Variants in TEFM observed in about 807,000 individuals in gnomAD.
The protein encoded by TEFM is transcription elongation factor, mitochondrial, also known as transcription elongation factor of mitochondria.
A neutral mutation model predicts 23.0 loss-of-function variants in TEFM; 14 were observed. The ratio of observed to expected loss-of-function variants is 0.61; its 90% CI spans 0.40 to 0.95. The LOEUF is 0.95. Among genes scored for constraint, TEFM ranks in the 40% least tolerant of loss-of-function variants. The pLI is 0.00. For synonymous variants in TEFM, 155 were observed against 158.3 expected, an observed-to-expected ratio of 0.98 and a Z score of 0.16; for missense variants, 386 against 425.5, an observed-to-expected ratio of 0.91 and a Z score of 0.82.
chr17:30,904,566 C>T, intron 1 of TEFM, 37 bp from the exon 2 acceptor site: 1 of 1,507,140 alleles, frequency 6.6e-7, no homozygotes, highest in Non-Finnish European at 9.0e-7. Context: ...AGTTGGATGT[C>T]CTACTTCCTT....
rs1172480872 is a variant in TEFM at position 30,899,281 on chromosome 17, TG to T, written c.970del (p.His324ThrfsTer14). 6.2e-7 allele frequency: 1 copy of T among 1,614,226 alleles called. No individual in the cohort carries two copies. On this transcript the variant is annotated frameshift_variant, in exon 4 of 4. Transcript: ENST00000581216. LOFTEE classifies it low-confidence loss of function (END_TRUNC). ...RVFFPSDKIV[H>X]YRQMFLSTEL... ...AGTAGATAAAAACATCTGTCTGTAG[TG>T]AACTATTTTATCTGATGGGAAGAAC...
chr17:30,902,045 A>G (rs1282894582), intron 2 of TEFM, among the ~76,000 whole-genome samples: 1 of 152,154 alleles, frequency 6.6e-6, no homozygotes, highest in Non-Finnish European at 1.5e-5. Context: ...TTAATGCATT[A>G]AGTTTGGGTT....
intron 2 of TEFM, among the ~76,000 whole-genome samples, chr17:30,902,084 T>C (rs1355400011): frequency 6.6e-6 from 1 of 152,194 alleles, no homozygotes; most frequent in South Asian, 2.1e-4. Context: ...AGGAGATATA[T>C]AATAAGTAAT....
chr17:30,900,493 A>G lies in TEFM; in HGVS notation c.565T>C (p.Leu189=), dbSNP rs1455872351. 1.2e-6 allele frequency: 2 copies of G among 1,614,026 alleles called. No homozygotes were observed. The highest frequency in any genetic ancestry group is 1.7e-6 in the Non-Finnish European group (2 of 1,179,966). The change falls in exon 3 of 4, where the codon TTG becomes CTG. Residue 189 remains leucine, a synonymous_variant. Transcript: ENST00000581216. ...CTTTGCTGCCAGTCCAGCACTGTCA[A>G]CTTACGATCAAGGTGAGCCCAGGCA... ...RIAWAHLDRK[L]TVLDWQQSDR...
chr17:30,902,906 C>G (rs1910072207), intron 2 of TEFM, among the ~76,000 whole-genome samples: 1 of 151,710 alleles, frequency 6.6e-6, no homozygotes, highest in Middle Eastern at 3.4e-3. Context: ...ACTTCGGGAG[C>G]CCGAGGCAGG....
Position 30,899,474 on chromosome 17 carries a change from A to C in TEFM, c.778T>G (p.Leu260Val). 10 of 1,614,206 alleles carry C rather than the reference A, an allele frequency of 6.2e-6. No homozygotes were observed. Among genetic ancestry groups the C allele is most frequent in the Non-Finnish European group, 8.5e-6 (10 of 1,180,030 alleles). Residue 260 changes from leucine to valine, a missense_variant, in exon 4 of 4, where the codon TTA becomes GTA. Leu to Val is a conservative substitution (Grantham distance 32). Coordinates refer to ENST00000581216, the MANE Select transcript of TEFM (RefSeq NM_024683.4). ...TCCTGGGCAAAAGTTTTATTTAATA[A>C]GGCATACAGCATGGCTTCCATGATA... ...FHIMEAMLYALLNKTFAQDGQ... is the reference protein window; with the variant it reads ...FHIMEAMLYAVLNKTFAQDGQ...
At position 30,898,989 on chromosome 17, in the gene TEFM, CATAAAAT is replaced by C; in HGVS notation, c.*173_*179del. The stretch of plus-strand genomic sequence containing the variant: ...CATTAACCTGAGAGGCACAGAATCT[CATAAAAT>C]GTTTATTGATTTGGTCTTGGCTTAT... On this transcript the variant is annotated 3_prime_UTR_variant, in exon 4 of 4. Transcript: ENST00000581216. 1 of 579,746 alleles carries C rather than the reference CATAAAAT, an allele frequency of 1.7e-6. No individual in the cohort carries two copies. The highest frequency in any genetic ancestry group is 4.8e-4 in the Middle Eastern group (1 of 2,064). 35.9% of individuals were successfully genotyped at this position (579,746 alleles called of 1,614,324 possible). A position where few individuals can be genotyped will look rare whatever the true frequency, so the allele number is the denominator to read the frequency against.
In TEFM at chr17:30,899,121, G is replaced by A. The variant is rs1909980709; in HGVS notation, c.*48C>T. On this transcript the variant is annotated 3_prime_UTR_variant, in exon 4 of 4. Transcript: ENST00000581216. ...AACATGGATGTTCACAACAGTTGGT[G>A]TTACGTTAGAGCTAATAATTATACT... 1.4e-6 allele frequency: 2 copies of A among 1,425,118 alleles called. No homozygotes were observed. Among genetic ancestry groups the A allele is most frequent in the Admixed American group, 2.2e-5 (1 of 45,686 alleles). The allele number at this position is 1,425,118 out of a possible 1,614,324, so 88.3% of individuals were successfully genotyped here.
rs549821910 is a variant in TEFM, at chr17:30,899,631, G to T, written c.646-25C>A. 16 of 1,459,386 alleles carry T rather than the reference G, an allele frequency of 1.1e-5. No homozygotes were observed. In the Admixed American group the frequency reaches 2.1e-4, roughly 19 times the overall value. 90.4% of individuals were successfully genotyped at this position (1,459,386 alleles called of 1,614,324 possible). A position where few individuals can be genotyped will look rare whatever the true frequency, so the allele number is the denominator to read the frequency against. On this transcript the variant is annotated intron_variant, in intron 3 of 3. Transcript: ENST00000581216. Reference sequence around the variant, plus strand: ...TCTTTTTAAAAAAAGACAAAATAAAGGAACAGAAATAATTCATTACATTTT... The same window carrying T: ...TCTTTTTAAAAAAAGACAAAATAAATGAACAGAAATAATTCATTACATTTT...
intron 2 of TEFM, among the ~76,000 whole-genome samples, chr17:30,903,226 G>GTTTT (rs1910085127): frequency 7.1e-6 from 1 of 140,864 alleles, no homozygotes. Flanking sequence ...CTTTTAGAAT[G>GTTTT]GTGTTTTTTT....
Position 30,904,009 on chromosome 17 carries a change from T to A in TEFM, c.495+57A>T, listed in dbSNP as rs143219750. The A allele has an allele frequency of 4.5e-5, 67 of 1,483,524 alleles. No homozygotes were observed. In the African/African-American group the frequency reaches 7.1e-4, roughly 16 times the overall value. 91.9% of individuals were successfully genotyped at this position (1,483,524 alleles called of 1,614,324 possible). On this transcript the variant is annotated intron_variant, in intron 2 of 3. Transcript: ENST00000581216. ...CTTCCCAACCCAATGCCCAGAAGAG[T>A]GCTTTCTAGAGTAGGTTCTCAAATA... is the stretch of plus-strand genomic sequence containing the variant.
At chr17:30,904,577 T>TG (rs1394228264) in intron 1 of TEFM, 48 bp from the exon 2 acceptor site, 14 of 1,415,784 alleles carry the variant, frequency 9.9e-6, no homozygotes, top group Non-Finnish European at 1.3e-5. Context: ...CTACTTCCTT[T>TG]GGGGTTAGTT....
chr17:30,905,310 C>T (rs1278635716), intron 1 of TEFM, among the ~76,000 whole-genome samples: 6 of 152,022 alleles, frequency 3.9e-5, no homozygotes, highest in Admixed American at 3.9e-4. Flanking sequence ...CACCTGAGGT[C>T]GGGAGTTCGA....
intron 2 of TEFM, among the ~76,000 whole-genome samples, chr17:30,901,869 G>T (rs1910053919): frequency 6.6e-6 from 1 of 152,212 alleles, no homozygotes; most frequent in Admixed American, 6.5e-5. Context: ...AGAAGGAAAA[G>T]AAACAGATAG....
intron 1 of TEFM, among the ~76,000 whole-genome samples, chr17:30,905,444 C>G (rs940651594): frequency 2.0e-5 from 3 of 149,834 alleles, no homozygotes. Context: ...CGCTTGAGCC[C>G]GGAAGGCGGA....
chr17:30,900,090 T>G (rs1004344277), intron 3 of TEFM: 11 of 394,588 alleles, frequency 2.8e-5, no homozygotes, highest in African/African-American at 2.0e-4. Flanking sequence ...TCGCAAGGTT[T>G]TGAAAACTCA....
At position 30,899,191 on chromosome 17, in the gene TEFM, G is replaced by A. The variant is rs1166347925; in HGVS notation, c.1061C>T (p.Ala354Val). The A allele has an allele frequency of 6.2e-7, 1 of 1,602,652 alleles. No individual in the cohort carries two copies. The highest frequency in any genetic ancestry group is 8.5e-7 in the Non-Finnish European group (1 of 1,173,142). The change falls in exon 4 of 4, where the codon GCA (alanine) becomes GTA (valine). Residue 354 changes from alanine (A) to valine (V), a missense_variant. Coordinates refer to ENST00000581216, the MANE Select transcript of TEFM (RefSeq NM_024683.4). The part of the protein sequence containing the change: ...LLQAIAFYEL[A>V]VFDSQP ...ATTCTAAGGCTGAGAGTCAAACACT[G>A]CTAATTCATAGAAGGCAATAGCTTG...
At chr17:30,899,720 T>C (rs1367796551) in intron 3 of TEFM, 114 bp from the exon 4 acceptor site, 1 of 725,466 alleles carries the variant, frequency 1.4e-6, no homozygotes, top group African/African-American at 1.8e-5. Context: ...ATTTATACTA[T>C]ATTGACAATT....
In TEFM at chr17:30,906,218, G is replaced by C; in HGVS notation, c.-20C>G. ...GCTCATCTCCAAGTTGAATCAGTAG[G>C]TCCAGTCTTCCTCCATTGACTTCCG... On this transcript the variant is annotated 5_prime_UTR_variant, in exon 1 of 4. Coordinates refer to ENST00000581216, the MANE Select transcript of TEFM (RefSeq NM_024683.4). 1 of 1,614,268 alleles carries C rather than the reference G, an allele frequency of 6.2e-7. No individual in the cohort carries two copies. Among genetic ancestry groups the C allele is most frequent in the South Asian group, 1.1e-5 (1 of 91,088 alleles).
Sources: gnomAD v4.1 joint callset for allele counts (sites outside exome capture counted in the v4.1 genomes callset) on GRCh38, gnomAD v4.1.1 for gene constraint, MANE v1.5 for transcripts, NCBI Gene and HGNC (gene_info 2026-07-23, HGNC 2026-07-21) for gene names.